Variants in ST6GALNAC3 observed in about 807,000 individuals in gnomAD.
ST6GALNAC3 encodes alpha-N-acetylgalactosaminide alpha-2,6-sialyltransferase 3.
In ST6GALNAC3, 25 loss-of-function variants were observed where a neutral mutation model predicts 32.7. The observed-to-expected ratio is 0.76, with a 90% CI of 0.56 to 1.07. The LOEUF (loss-of-function observed/expected upper bound fraction) is 1.07. Among genes scored for constraint, ST6GALNAC3 ranks in the 50% least tolerant of loss-of-function variants. The probability of loss-of-function intolerance (pLI) is 0.00; values close to 1 mark genes in which losing one functional copy is unlikely to be tolerated. For synonymous variants in ST6GALNAC3, 129 were observed against 133.1 expected (o/e 0.97, Z 0.21); for missense variants, 355 against 382.4 (o/e 0.93, Z 0.60).
chr1:76,487,095 G>C (rs926726792), intron 3 of ST6GALNAC3, among the ~76,000 whole-genome samples: 9 of 152,278 alleles, frequency 5.9e-5, no homozygotes, highest in African/African-American at 2.2e-4. Flanking sequence ...CAAGAGATCA[G>C]CTGTTAGTCT....
At chr1:76,423,596 A>G (rs1185151677) in intron 3 of ST6GALNAC3, among the ~76,000 whole-genome samples, 2 of 152,028 alleles carry the variant, frequency 1.3e-5, no homozygotes, top group Admixed American at 1.3e-4. Context: ...TGTGGAAAAC[A>G]GTCTTATCTG....
chr1:76,481,077 C>T (rs547593417), intron 3 of ST6GALNAC3, among the ~76,000 whole-genome samples: 3 of 152,026 alleles, frequency 2.0e-5, no homozygotes, highest in Non-Finnish European at 4.4e-5. Flanking sequence ...TAGTTAGGTC[C>T]CTTCTGAGCT....
chr1:76,258,340 C>A (rs1557733162), intron 1 of ST6GALNAC3, among the ~76,000 whole-genome samples: 1 of 152,292 alleles, frequency 6.6e-6, no homozygotes, highest in South Asian at 2.1e-4. Context: ...ACACCTCTTA[C>A]AAAATTGCAT....
chr1:76,112,553 C>A (rs571306889), intron 1 of ST6GALNAC3, among the ~76,000 whole-genome samples: 1 of 151,686 alleles, frequency 6.6e-6, no homozygotes, highest in African/African-American at 2.4e-5. Context: ...GGGTGGCTGC[C>A]GGGCGGAGAC....
At chr1:76,352,115 G>A (rs773281245) in intron 2 of ST6GALNAC3, among the ~76,000 whole-genome samples, 1 of 152,050 alleles carries the variant, frequency 6.6e-6, no homozygotes, top group South Asian at 2.1e-4. Flanking sequence ...AAAAGAAAAG[G>A]TTGAGAAAAA....
At chr1:76,610,654 G>A (rs1396913320) in intron 3 of ST6GALNAC3, among the ~76,000 whole-genome samples, 1 of 152,118 alleles carries the variant, frequency 6.6e-6, no homozygotes, top group East Asian at 1.9e-4. Context: ...TTGAGGCCGT[G>A]TTGAGAGAAT....
At chr1:76,239,657 G>A (rs899645290) in intron 1 of ST6GALNAC3, among the ~76,000 whole-genome samples, 2 of 152,148 alleles carry the variant, frequency 1.3e-5, no homozygotes, top group African/African-American at 2.4e-5. Context: ...AGCCATTCAC[G>A]AGAGATCTTC....
chr1:76,586,440 G>A (rs315037), intron 3 of ST6GALNAC3, among the ~76,000 whole-genome samples: 58,944 of 151,962 alleles, frequency 0.39, 12,736 homozygotes, highest in African/African-American at 0.6. Context: ...TTATCTTTGT[G>A]TTGTGAAAAA....
At chr1:76,553,456 T>C (rs1316748460) in intron 3 of ST6GALNAC3, among the ~76,000 whole-genome samples, 1 of 152,172 alleles carries the variant, frequency 6.6e-6, no homozygotes, top group Non-Finnish European at 1.5e-5. Context: ...CATTATTTGC[T>C]GAGGAGGTTA....
chr1:76,382,333 A>G (rs1264817261), intron 2 of ST6GALNAC3, among the ~76,000 whole-genome samples: 1 of 152,212 alleles, frequency 6.6e-6, no homozygotes, highest in Non-Finnish European at 1.5e-5. Context: ...AGATTTCAAT[A>G]CAACTATGAT....
chr1:76,552,310 C>A (rs941649504), intron 3 of ST6GALNAC3, among the ~76,000 whole-genome samples: 1 of 152,172 alleles, frequency 6.6e-6, no homozygotes, highest in Admixed American at 6.5e-5. Context: ...ACCCTTTCCC[C>A]CACATTGGAG....
At chr1:76,142,443 A>G (rs1167981977) in intron 1 of ST6GALNAC3, among the ~76,000 whole-genome samples, 1 of 152,092 alleles carries the variant, frequency 6.6e-6, no homozygotes, top group Non-Finnish European at 1.5e-5. Flanking sequence ...GCATAGCCAT[A>G]GCTAATTTTC....
intron 3 of ST6GALNAC3, among the ~76,000 whole-genome samples, chr1:76,598,478 T>C (rs1352385454): frequency 6.6e-6 from 1 of 152,224 alleles, no homozygotes; most frequent in Non-Finnish European, 1.5e-5. Context: ...AGAAATGTTT[T>C]GCAAAATGTT....
chr1:76,148,085 A>G (rs2100315820), intron 1 of ST6GALNAC3, among the ~76,000 whole-genome samples: 1 of 152,260 alleles, frequency 6.6e-6, no homozygotes, highest in African/African-American at 2.4e-5. Flanking sequence ...ATGCTCAGTA[A>G]ATTTATAATT....
At chr1:76,315,456 G>A (rs911555551) in intron 2 of ST6GALNAC3, among the ~76,000 whole-genome samples, 34 of 152,110 alleles carry the variant, frequency 2.2e-4, no homozygotes, top group African/African-American at 7.0e-4. Flanking sequence ...ATTTGATTTC[G>A]GAGTGTGAAA....
chr1:76,499,753 T>C (rs1290721062), intron 3 of ST6GALNAC3, among the ~76,000 whole-genome samples: 1 of 152,170 alleles, frequency 6.6e-6, no homozygotes, highest in African/African-American at 2.4e-5. Context: ...AAAATTATAA[T>C]CAATTACAAT....
intron 2 of ST6GALNAC3, among the ~76,000 whole-genome samples, chr1:76,405,197 C>A (rs1166719626): frequency 2.0e-5 from 3 of 151,948 alleles, no homozygotes; most frequent in Non-Finnish European, 4.4e-5. Flanking sequence ...AGTGTCTTGA[C>A]CTTCGTTTTC....
rs911713179 is a variant in ST6GALNAC3, at chr1:76,188,231, G to A, written c.18+113347G>A. Among the ~76,000 whole-genome samples the A allele has an allele frequency of 6.6e-4, 101 of 152,014 alleles. 1 individual carries two copies. Among genetic ancestry groups the A allele is most frequent in the Non-Finnish European group, 2.1e-4 (14 of 68,008 alleles). On this transcript the variant is annotated intron_variant, in intron 1 of 4. Transcript: ENST00000328299. ...ACAAAAATTAGCTGGTTGTGGTGGC[G>A]GGTGCCTGTAATCCCAGTTACTCAG... is the stretch of plus-strand genomic sequence containing the variant.
chr1:76,086,369 G>A (rs375579511), intron 1 of ST6GALNAC3, among the ~76,000 whole-genome samples: 4 of 151,942 alleles, frequency 2.6e-5, no homozygotes, highest in Non-Finnish European at 4.4e-5. Context: ...GTTTTTTTTC[G>A]TGTTGATGAT....
Sources: gnomAD v4.1 joint callset for allele counts (sites outside exome capture counted in the v4.1 genomes callset) on GRCh38, gnomAD v4.1.1 for gene constraint, MANE v1.5 for transcripts, NCBI Gene and HGNC (gene_info 2026-07-23, HGNC 2026-07-21) for gene names.